LOC128706666: variants seen among roughly 807,000 people sequenced by gnomAD.
chr20:10,419,047 A>G, the LOC128706666 span, among the ~76,000 whole-genome samples: 2 of 152,154 alleles, frequency 1.3e-5, no homozygotes, highest in South Asian at 2.1e-4. Flanking sequence ...TGAACATTTA[A>G]AAGTAAAATC....
At chr20:10,431,064 A>G in the LOC128706666 span, among the ~76,000 whole-genome samples, 1 of 152,192 alleles carries the variant, frequency 6.6e-6, no homozygotes, top group South Asian at 2.1e-4. Context: ...AGAACTATAT[A>G]CATTCATAGC....
At chr20:10,426,295 C>CT in the LOC128706666 span, among the ~76,000 whole-genome samples, 7 of 152,210 alleles carry the variant, frequency 4.6e-5, no homozygotes, top group African/African-American at 1.7e-4. Flanking sequence ...GCAGTACTGT[C>CT]TATCAGGATT....
At chr20:10,425,300 A>G in the LOC128706666 span, among the ~76,000 whole-genome samples, 7 of 152,192 alleles carry the variant, frequency 4.6e-5, no homozygotes, top group African/African-American at 1.4e-4. Flanking sequence ...GCGATATCCT[A>G]ATTTGACCAA....
chr20:10,430,688 C>A, the LOC128706666 span, among the ~76,000 whole-genome samples: 6 of 152,200 alleles, frequency 3.9e-5, no homozygotes, highest in Non-Finnish European at 7.4e-5. Flanking sequence ...TAATTAGATT[C>A]TAGGATATTA....
At chr20:10,429,663 A>T in the LOC128706666 span, among the ~76,000 whole-genome samples, 1 of 152,068 alleles carries the variant, frequency 6.6e-6, no homozygotes, top group Non-Finnish European at 1.5e-5. Flanking sequence ...CCTTTTCCTC[A>T]TGCTCCTCAT....
At chr20:10,416,510 T>C in the LOC128706666 span, among the ~76,000 whole-genome samples, 1 of 151,958 alleles carries the variant, frequency 6.6e-6, no homozygotes, top group Non-Finnish European at 1.5e-5. Context: ...AACAGATTAA[T>C]ATAACTGAAA....
the LOC128706666 span, among the ~76,000 whole-genome samples, chr20:10,428,537 T>G: frequency 6.6e-6 from 1 of 152,172 alleles, no homozygotes. Flanking sequence ...GCACCTTAGC[T>G]CTCAACTAAA....
At chr20:10,422,904 G>C in the LOC128706666 span, among the ~76,000 whole-genome samples, 5 of 151,744 alleles carry the variant, frequency 3.3e-5, no homozygotes, top group African/African-American at 1.2e-4. Flanking sequence ...GTAGAGACAG[G>C]GTTTCACCGT....
At chr20:10,431,573 C>T in the LOC128706666 span, 1 of 143,322 alleles carries the variant, frequency 7.0e-6, no homozygotes, top group African/African-American at 2.8e-5. Context: ...AAACCAAACC[C>T]GCACAAAAAA....
chr20:10,418,402 T>C, the LOC128706666 span, among the ~76,000 whole-genome samples: 60 of 152,336 alleles, frequency 3.9e-4, no homozygotes, highest in Non-Finnish European at 7.4e-4. Context: ...GGCATGTATG[T>C]AATTTTCCAT....
chr20:10,431,826 C>T, the LOC128706666 span: 1 of 152,210 alleles, frequency 6.6e-6, no homozygotes, highest in Non-Finnish European at 1.5e-5. Flanking sequence ...CCCCTTTGGT[C>T]CACAGAGGAT....
the LOC128706666 span, chr20:10,414,027 T>A: frequency 2.6e-6 from 1 of 387,360 alleles, no homozygotes; most frequent in Non-Finnish European, 4.5e-6. Flanking sequence ...GCTGCCTTTT[T>A]AGAAAAAGGA....
At chr20:10,429,188 C>T in the LOC128706666 span, among the ~76,000 whole-genome samples, 1 of 152,150 alleles carries the variant, frequency 6.6e-6, no homozygotes, top group Non-Finnish European at 1.5e-5. Flanking sequence ...TTTCATTCTC[C>T]ATGGAAAGTG....
chr20:10,414,057 G>A, the LOC128706666 span: 1 of 373,478 alleles, frequency 2.7e-6, no homozygotes, highest in Non-Finnish European at 4.7e-6. Context: ...TGGCACAAAC[G>A]TCCAGAAAAT....
At chr20:10,429,257 T>C in the LOC128706666 span, among the ~76,000 whole-genome samples, 1 of 152,220 alleles carries the variant, frequency 6.6e-6, no homozygotes, top group African/African-American at 2.4e-5. Flanking sequence ...AGCCTTTTGA[T>C]GTGTTCTTGA....
chr20:10,428,923 T>C, the LOC128706666 span, among the ~76,000 whole-genome samples: 201 of 152,302 alleles, frequency 1.3e-3, no homozygotes, highest in African/African-American at 4.6e-3. Context: ...CCAGTCCCAC[T>C]TTCTACTGTG....
chr20:10,426,548 C>T, the LOC128706666 span, among the ~76,000 whole-genome samples: 10 of 152,208 alleles, frequency 6.6e-5, no homozygotes, highest in East Asian at 3.9e-4. Context: ...TACAGGCCCA[C>T]GCCACCATGC....
At chr20:10,421,879 C>T in the LOC128706666 span, among the ~76,000 whole-genome samples, 3 of 151,942 alleles carry the variant, frequency 2.0e-5, no homozygotes, top group Non-Finnish European at 2.9e-5. Context: ...ATCTGGACAA[C>T]CTCTAAAGAC....
chr20:10,424,703 T>C, the LOC128706666 span, among the ~76,000 whole-genome samples: 1 of 152,336 alleles, frequency 6.6e-6, no homozygotes, highest in African/African-American at 2.4e-5. Context: ...ATTTTGGGGA[T>C]ACAATTTAAA....
Sources: gnomAD v4.1 joint callset for allele counts (sites outside exome capture counted in the v4.1 genomes callset) on GRCh38, gnomAD v4.1.1 for gene constraint, MANE v1.5 for transcripts.